TMEM45A: variants seen among roughly 807,000 people sequenced by gnomAD.
The protein encoded by TMEM45A is transmembrane protein 45A, also known as DNA polymerase-transactivated protein 4.
Under a neutral mutation model 32.0 loss-of-function variants are expected in TMEM45A, and 25 were observed. The observed-to-expected ratio is 0.78, with a 90% CI of 0.57 to 1.09. TMEM45A has a LOEUF of 1.09. TMEM45A is among the 50% of genes least tolerant of loss of function. The pLI, the probability that TMEM45A is intolerant of heterozygous loss-of-function variation, is 0.00. For missense variants in TMEM45A, 302 were observed against 325.0 expected, an observed-to-expected ratio of 0.93 and a Z score of 0.54; for synonymous variants, 122 against 114.8, an observed-to-expected ratio of 1.06 and a Z score of -0.40.
intron 1 of TMEM45A, among the ~76,000 whole-genome samples, chr3:100,494,666 A>G (rs1397651317): frequency 2.0e-5 from 3 of 152,058 alleles, no homozygotes. Context: ...TTTTTGATTC[A>G]GAAAGGTAAT....
chr3:100,517,614 A>G (rs530701324), intron 1 of TMEM45A, among the ~76,000 whole-genome samples: 24 of 152,286 alleles, frequency 1.6e-4, no homozygotes, highest in South Asian at 1.0e-3. Context: ...ATTTTTCCTT[A>G]ATTGTCAAAG....
chr3:100,541,528 T>A (rs1705878165), intron 1 of TMEM45A, among the ~76,000 whole-genome samples: 1 of 52,346 alleles, frequency 1.9e-5, no homozygotes, highest in African/African-American at 7.8e-5. Context: ...TCTTTCCTTT[T>A]TTTTTTTTTT....
chr3:100,516,346 A>G (rs150816310), intron 1 of TMEM45A, among the ~76,000 whole-genome samples: 1 of 152,326 alleles, frequency 6.6e-6, no homozygotes, highest in East Asian at 1.9e-4. Flanking sequence ...CTTCATACAT[A>G]GTGACTTATG....
chr3:100,516,288 A>G (rs955751461), intron 1 of TMEM45A, among the ~76,000 whole-genome samples: 1 of 152,312 alleles, frequency 6.6e-6, no homozygotes, highest in African/African-American at 2.4e-5. Context: ...AACTTGATAT[A>G]ATCTAATTGA....
At chr3:100,552,216 TA>T (rs374074403) in intron 1 of TMEM45A, among the ~76,000 whole-genome samples, 8 of 151,314 alleles carry the variant, frequency 5.3e-5, no homozygotes, top group Admixed American at 3.9e-4. Flanking sequence ...CTAACAGCCT[TA>T]AAAAAAAAGT....
chr3:100,527,124 TGTA>T (rs1275829324), intron 1 of TMEM45A, among the ~76,000 whole-genome samples: 1 of 152,158 alleles, frequency 6.6e-6, no homozygotes, highest in Non-Finnish European at 1.5e-5. Context: ...CTTTGGAAGA[TGTA>T]GTGTGTAGCA....
intron 1 of TMEM45A, among the ~76,000 whole-genome samples, chr3:100,546,917 G>A (rs997085448): frequency 6.6e-6 from 1 of 152,062 alleles, no homozygotes; most frequent in Non-Finnish European, 1.5e-5. Flanking sequence ...AAATACCTTG[G>A]AGCTTTGGTT....
chr3:100,527,843 G>A (rs1164824073), intron 1 of TMEM45A, among the ~76,000 whole-genome samples: 2 of 152,160 alleles, frequency 1.3e-5, no homozygotes, highest in Non-Finnish European at 2.9e-5. Context: ...GAAAAGCATA[G>A]GATGTTCAAA....
chr3:100,512,350 T>G (rs1252062600), intron 1 of TMEM45A, among the ~76,000 whole-genome samples: 2 of 152,160 alleles, frequency 1.3e-5, no homozygotes, highest in Admixed American at 6.5e-5. Context: ...ACATGGAAAC[T>G]GAACAACCTG....
At chr3:100,560,981 G>A (rs764025032) in intron 4 of TMEM45A, among the ~76,000 whole-genome samples, 33 of 152,226 alleles carry the variant, frequency 2.2e-4, no homozygotes, top group East Asian at 3.9e-4. Context: ...GCATAAATCC[G>A]TGATTATTTA....
At position 100,565,023 on chromosome 3, in the gene TMEM45A, G is replaced by A. The variant is rs114008797; in HGVS notation, c.589-3799G>A. ...TTGCCCCATATGGAAAGGCTGTATG[G>A]TGAAAAGAGTATGGGTGGGAGAAAG... On this transcript the variant is annotated intron_variant, in intron 4 of 5. Coordinates refer to ENST00000323523, the MANE Select transcript of TMEM45A (RefSeq NM_018004.3). Among the ~76,000 whole-genome samples the A allele has an allele frequency of 4.5e-3, 683 of 152,332 alleles. 4 individuals are homozygous for A. The highest frequency in any genetic ancestry group is 0.016 in the African/African-American group (654 of 41,572).
chr3:100,505,247 A>G (rs991906725), intron 1 of TMEM45A, among the ~76,000 whole-genome samples: 1 of 152,192 alleles, frequency 6.6e-6, no homozygotes, highest in East Asian at 1.9e-4. Flanking sequence ...GTGCTCTACC[A>G]TGGCAATGAA....
intron 1 of TMEM45A, among the ~76,000 whole-genome samples, chr3:100,551,457 G>A (rs1024951412): frequency 2.0e-5 from 3 of 152,184 alleles, no homozygotes; most frequent in Admixed American, 6.5e-5. Context: ...GGAAAGCCCC[G>A]TGGTCTCCTT....
chr3:100,555,509 G>T, intron 2 of TMEM45A, 108 bp downstream of exon 2: 1 of 1,197,384 alleles, frequency 8.4e-7, no homozygotes, highest in Non-Finnish European at 1.2e-6. Flanking sequence ...TCTGATCTCT[G>T]AAAGAATAAA....
intron 5 of TMEM45A, 32 bp from the exon 6 acceptor site, chr3:100,576,893 G>A (rs371821032): frequency 1.8e-5 from 27 of 1,516,972 alleles, no homozygotes; most frequent in African/African-American, 1.1e-4. Flanking sequence ...TTTAAAAACC[G>A]TCTAACTTGA....
chr3:100,573,811 G>T (rs570785884), intron 5 of TMEM45A: 3 of 150,708 alleles, frequency 2.0e-5, no homozygotes, highest in Non-Finnish European at 4.5e-5. Context: ...TAGCATGAAG[G>T]GTTGTTGAAT....
chr3:100,527,704 G>C (rs1705573143), intron 1 of TMEM45A, among the ~76,000 whole-genome samples: 1 of 152,166 alleles, frequency 6.6e-6, no homozygotes, highest in Non-Finnish European at 1.5e-5. Flanking sequence ...ATGACCTCTT[G>C]CAATGCAACT....
rs571138767 is a variant in TMEM45A, at chr3:100,514,040, G to A, written c.-4+21112G>A. Among the ~76,000 whole-genome samples the A allele has an allele frequency of 2.6e-5, 4 of 152,308 alleles. No homozygotes were observed. In the South Asian group the frequency reaches 8.3e-4, roughly 32 times the overall value. Reference sequence around the variant, plus strand: ...TAGGAAGAATCAATATCGTGAAAATGGCCATACTGCCCAAGGTAATTTATA... The same window carrying A: ...TAGGAAGAATCAATATCGTGAAAATAGCCATACTGCCCAAGGTAATTTATA... On this transcript the variant is annotated intron_variant, in intron 1 of 5. Transcript: ENST00000323523.
chr3:100,548,313 A>T (rs1706020520), intron 1 of TMEM45A, among the ~76,000 whole-genome samples: 1 of 152,022 alleles, frequency 6.6e-6, no homozygotes, highest in South Asian at 2.1e-4. Flanking sequence ...TCTTGATGCT[A>T]CTCTGTTTGT....
Sources: allele counts gnomAD v4.1 joint callset (sites outside exome capture counted in the v4.1 genomes callset), GRCh38; gene constraint gnomAD v4.1.1; transcripts MANE v1.5; gene names NCBI Gene and HGNC (gene_info 2026-07-23, HGNC 2026-07-21).